Variants in TBCD observed in about 807,000 individuals in gnomAD.
TBCD encodes tubulin folding cofactor D.
A neutral mutation model predicts 169.3 loss-of-function variants in TBCD; 105 were observed. The ratio of observed to expected loss-of-function variants is 0.62; its 90% CI spans 0.53 to 0.73. TBCD has a LOEUF of 0.73. Among genes scored for constraint, TBCD ranks in the 30% least tolerant of loss-of-function variants. The pLI is 0.00. For missense variants in TBCD, 1,444 were observed against 1,600.1 expected (o/e 0.90, Z 1.66); for synonymous variants, 700 against 643.9 (o/e 1.09, Z -1.32).
At chr17:82,838,112 G>A (rs1465161030) in intron 13 of TBCD, among the ~76,000 whole-genome samples, 2 of 152,242 alleles carry the variant, frequency 1.3e-5, no homozygotes, top group Non-Finnish European at 2.9e-5. Flanking sequence ...ACTGGGCCGG[G>A]TGTTGGGGCG....
chr17:82,911,850 G>C, intron 23 of TBCD, 61 bp downstream of exon 23: 3 of 1,593,572 alleles, frequency 1.9e-6, no homozygotes, highest in Non-Finnish European at 2.6e-6. Flanking sequence ...GTTGAGGGAG[G>C]TGTGCTCGTG....
chr17:82,788,988 C>T (rs1037653218), intron 7 of TBCD, among the ~76,000 whole-genome samples: 49 of 152,206 alleles, frequency 3.2e-4, no homozygotes, highest in Admixed American at 3.1e-3. Flanking sequence ...ATTTGGGGAA[C>T]AGCACCCTAC....
chr17:82,869,402 C>T (rs1217145360), intron 13 of TBCD, among the ~76,000 whole-genome samples: 1 of 152,126 alleles, frequency 6.6e-6, no homozygotes, highest in Non-Finnish European at 1.5e-5. Flanking sequence ...TGCTTGTAGT[C>T]TCAGCTACTT....
chr17:82,830,168 G>A, intron 13 of TBCD: 1 of 1,614,174 alleles, frequency 6.2e-7, no homozygotes, highest in Non-Finnish European at 8.5e-7. Flanking sequence ...CTCCTTCGTA[G>A]TGTGAACACT....
intron 27 of TBCD, among the ~76,000 whole-genome samples, chr17:82,925,780 C>A (rs777266664): frequency 6.6e-6 from 1 of 152,174 alleles, no homozygotes; most frequent in Non-Finnish European, 1.5e-5. Context: ...GGAGATATGA[C>A]AGATGAGGTT....
At chr17:82,798,932 C>T (rs2050300552) in intron 8 of TBCD, among the ~76,000 whole-genome samples, 1 of 151,878 alleles carries the variant, frequency 6.6e-6, no homozygotes, top group African/African-American at 2.4e-5. Flanking sequence ...TGGGGTCTTG[C>T]TGTGCTGTCC....
chr17:82,879,435 A>T (rs2058204586), intron 14 of TBCD, among the ~76,000 whole-genome samples: 1 of 152,010 alleles, frequency 6.6e-6, no homozygotes. Flanking sequence ...CTGCCAGCCC[A>T]CACCTGTGTG....
At chr17:82,836,037 A>G (rs1235770736) in intron 13 of TBCD, among the ~76,000 whole-genome samples, 2 of 152,254 alleles carry the variant, frequency 1.3e-5, no homozygotes, top group Non-Finnish European at 2.9e-5. Flanking sequence ...CACCGGGTCA[A>G]GGCCAAGCAA....
chr17:82,908,716 C>T (rs1366595165), intron 21 of TBCD, among the ~76,000 whole-genome samples: 2 of 152,212 alleles, frequency 1.3e-5, no homozygotes, highest in Admixed American at 6.5e-5. Flanking sequence ...GGGCAGCAGC[C>T]ATGAACGTGG....
intron 38 of TBCD, chr17:82,941,858 G>T (rs2063317126): frequency 3.7e-6 from 1 of 273,892 alleles, no homozygotes; most frequent in South Asian, 7.7e-5. Context: ...TGGGTGAGAG[G>T]CCCCCAGAAG....
At chr17:82,753,379 G>C (rs2047218629) in intron 1 of TBCD, among the ~76,000 whole-genome samples, 1 of 151,350 alleles carries the variant, frequency 6.6e-6, no homozygotes, top group Non-Finnish European at 1.5e-5. Flanking sequence ...TGAGGGTGAG[G>C]GACCCTCATC....
chr17:82,876,364 C>T (rs1238082305), intron 14 of TBCD, among the ~76,000 whole-genome samples: 3 of 152,200 alleles, frequency 2.0e-5, no homozygotes, highest in Admixed American at 1.3e-4. Flanking sequence ...GCCCTTCTCG[C>T]GGCCTCGCAG....
At chr17:82,798,576 T>C (rs2050276333) in intron 8 of TBCD, among the ~76,000 whole-genome samples, 1 of 151,622 alleles carries the variant, frequency 6.6e-6, no homozygotes, top group Non-Finnish European at 1.5e-5. Flanking sequence ...ACTGGACTTT[T>C]TGTCACTTTC....
intron 13 of TBCD, chr17:82,830,258 CT>C (rs781418256): frequency 1.2e-6 from 2 of 1,614,216 alleles, no homozygotes; most frequent in Admixed American, 3.3e-5. Context: ...CTCTTTTGTC[CT>C]TTGGGTCTGA....
intron 7 of TBCD, among the ~76,000 whole-genome samples, chr17:82,792,365 A>G (rs1242223913): frequency 1.3e-5 from 2 of 151,268 alleles, no homozygotes; most frequent in Non-Finnish European, 1.5e-5. Context: ...GTGCACACAC[A>G]CACACACATA....
At position 82,927,917 on chromosome 17, in the gene TBCD, C is replaced by A. The variant is rs35495421; in HGVS notation, c.2622C>A (p.Ala874=). ...RGDVGTWVRK[A]AMTSLMDLTL... is the part of the protein sequence containing the mutation. ...CTTGTCCCATCAGGGTCCGCAAGGC[C>A]GCCATGACCAGTCTGATGGATCTGA... Residue 874 remains alanine (A), a synonymous_variant, in exon 30 of 39, where the codon GCC becomes GCA. Coordinates refer to ENST00000355528, the MANE Select transcript of TBCD (RefSeq NM_005993.5). 6.2e-7 allele frequency: 1 copy of A among 1,613,458 alleles called. No homozygotes were observed. The highest frequency in any genetic ancestry group is 8.5e-7 in the Non-Finnish European group (1 of 1,179,688).
At chr17:82,916,626 C>G (rs748215858) in intron 23 of TBCD, among the ~76,000 whole-genome samples, 2 of 152,026 alleles carry the variant, frequency 1.3e-5, no homozygotes, top group Admixed American at 6.6e-5. Context: ...ATAATAGTCT[C>G]TTGTCTTCTG....
chr17:82,758,661 C>CTTTTTTTTTT (rs745351441), intron 2 of TBCD, among the ~76,000 whole-genome samples: 13 of 94,606 alleles, frequency 1.4e-4, no homozygotes, highest in African/African-American at 2.8e-4. Flanking sequence ...TTTTTTTTTT[C>CTTTTTTTTTT]TTTTTTTTTT....
intron 13 of TBCD, among the ~76,000 whole-genome samples, chr17:82,827,176 A>G (rs1398306909): frequency 6.6e-6 from 1 of 152,184 alleles, no homozygotes; most frequent in East Asian, 1.9e-4. Context: ...CTGGTGTTTC[A>G]ACTTTTTCCA....
Sources: gnomAD v4.1 joint callset for allele counts (sites outside exome capture counted in the v4.1 genomes callset) on GRCh38, gnomAD v4.1.1 for gene constraint, MANE v1.5 for transcripts, NCBI Gene and HGNC (gene_info 2026-07-23, HGNC 2026-07-21) for gene names.